ZFPM2: variants seen among roughly 807,000 people sequenced by gnomAD.
ZFPM2 encodes zinc finger protein ZFPM2.
A neutral mutation model predicts 98.6 loss-of-function variants in ZFPM2; 20 were observed. The ratio of observed to expected loss-of-function variants is 0.20; its 90% CI spans 0.14 to 0.29. The LOEUF (loss-of-function observed/expected upper bound fraction) is 0.29. ZFPM2 is among the 10% of genes least tolerant of loss of function. The pLI is 1.00. For missense variants in ZFPM2, 1,310 were observed against 1,388.6 expected, an observed-to-expected ratio of 0.94 and a Z score of 0.90; for synonymous variants, 518 against 502.7, an observed-to-expected ratio of 1.03 and a Z score of -0.41.
intron 4 of ZFPM2, among the ~76,000 whole-genome samples, chr8:105,568,104 G>C (rs1815277822): frequency 6.6e-6 from 1 of 151,884 alleles, no homozygotes; most frequent in Non-Finnish European, 1.5e-5. Context: ...AGTGCCTCAG[G>C]GAGCTTATCC....
At chr8:105,590,854 A>G (rs1344157219) in intron 4 of ZFPM2, among the ~76,000 whole-genome samples, 3 of 152,230 alleles carry the variant, frequency 2.0e-5, no homozygotes, top group African/African-American at 7.2e-5. Context: ...CACATGGTCC[A>G]CTTTAGGAAT....
In ZFPM2 at chr8:105,644,717, CA is replaced by C. The variant is rs775338478; in HGVS notation, c.532+10361del. Among the ~76,000 whole-genome samples, 43 of 152,290 alleles carry C rather than the reference CA, an allele frequency of 2.8e-4. No individual in the cohort carries two copies. In the East Asian group the frequency reaches 5.0e-3, roughly 18 times the overall value. Reference sequence around the variant, plus strand: ...CATGATTAGGATGCTGGCAGTTTCACACTTGGTGAGAGCTCTCTTCTGGGTT... The same window carrying C: ...CATGATTAGGATGCTGGCAGTTTCACCTTGGTGAGAGCTCTCTTCTGGGTT... On this transcript the variant is annotated intron_variant, in intron 5 of 7. Transcript: ENST00000407775.
intron 5 of ZFPM2, among the ~76,000 whole-genome samples, chr8:105,786,407 C>T (rs1026884359): frequency 3.3e-5 from 5 of 152,176 alleles, no homozygotes; most frequent in Admixed American, 6.5e-5. Context: ...GAAGCCATAG[C>T]GCCCAGCCTA....
chr8:105,618,968 C>A (rs1410163571), intron 4 of ZFPM2, among the ~76,000 whole-genome samples: 1 of 151,968 alleles, frequency 6.6e-6, no homozygotes, highest in Non-Finnish European at 1.5e-5. Flanking sequence ...CTTCATTTAG[C>A]AGTCAGAAAT....
At chr8:105,516,759 T>C (rs1813931122) in intron 3 of ZFPM2, among the ~76,000 whole-genome samples, 1 of 152,180 alleles carries the variant, frequency 6.6e-6, no homozygotes, top group Non-Finnish European at 1.5e-5. Flanking sequence ...CATGGGTAGA[T>C]ATAATAGTTA....
chr8:105,441,485 A>G (rs1181553701), intron 2 of ZFPM2, among the ~76,000 whole-genome samples: 17 of 111,532 alleles, frequency 1.5e-4, no homozygotes, highest in Admixed American at 4.0e-4. Context: ...AAAGAAAGAA[A>G]GAAAGAAAGA....
At chr8:105,322,892 C>G (rs141820848) in intron 1 of ZFPM2, among the ~76,000 whole-genome samples, 1 of 151,932 alleles carries the variant, frequency 6.6e-6, no homozygotes, top group Non-Finnish European at 1.5e-5. Flanking sequence ...CAATTTTAGG[C>G]CGTACGAATT....
At chr8:105,357,735 T>A (rs1259251746) in intron 1 of ZFPM2, among the ~76,000 whole-genome samples, 1 of 152,168 alleles carries the variant, frequency 6.6e-6, no homozygotes, top group African/African-American at 2.4e-5. Flanking sequence ...TTAAGGGCTA[T>A]CGTTTTCACT....
At chr8:105,789,163 A>C (rs1813517184) in intron 6 of ZFPM2, 1 of 335,126 alleles carries the variant, frequency 3.0e-6, no homozygotes, top group South Asian at 6.0e-5. Context: ...TATACATGTG[A>C]CATGCTGGTG....
At chr8:105,532,700 G>A (rs1814322329) in intron 3 of ZFPM2, among the ~76,000 whole-genome samples, 1 of 152,166 alleles carries the variant, frequency 6.6e-6, no homozygotes, top group South Asian at 2.1e-4. Flanking sequence ...TTTACATGTA[G>A]TGATTGTTAC....
chr8:105,409,476 A>G (rs553402803), intron 1 of ZFPM2, among the ~76,000 whole-genome samples: 1 of 152,004 alleles, frequency 6.6e-6, no homozygotes, highest in East Asian at 1.9e-4. Context: ...TGAAAGAACA[A>G]TTAACCAGCA....
At chr8:105,771,379 C>G (rs985127813) in intron 5 of ZFPM2, among the ~76,000 whole-genome samples, 1 of 152,120 alleles carries the variant, frequency 6.6e-6, no homozygotes, top group African/African-American at 2.4e-5. Context: ...AAAGAATTCT[C>G]TCTTTATTCT....
chr8:105,617,077 G>T (rs796554626), intron 4 of ZFPM2, among the ~76,000 whole-genome samples: 8 of 114,072 alleles, frequency 7.0e-5, no homozygotes, highest in African/African-American at 2.2e-4. Flanking sequence ...CACCATAAAT[G>T]GGTAGCAAAT....
chr8:105,347,377 G>A (rs966630634), intron 1 of ZFPM2, among the ~76,000 whole-genome samples: 1 of 152,026 alleles, frequency 6.6e-6, no homozygotes, highest in African/African-American at 2.4e-5. Context: ...TTACAAAGTT[G>A]CTTTACTTTT....
chr8:105,710,284 G>A (rs79024643), intron 5 of ZFPM2, among the ~76,000 whole-genome samples: 9,620 of 152,048 alleles, frequency 0.063, 369 homozygotes, highest in African/African-American at 0.11. Context: ...AGGTTCTGTC[G>A]TTTGTATTCA....
intron 4 of ZFPM2, among the ~76,000 whole-genome samples, chr8:105,613,893 C>T (rs763673123): frequency 5.6e-4 from 85 of 152,236 alleles, no homozygotes; most frequent in Non-Finnish European, 1.0e-3. Flanking sequence ...CATGATGTAA[C>T]TGTCTTTCAA....
At position 105,803,580 on chromosome 8, in the gene ZFPM2, T is replaced by A; in HGVS notation, c.*42T>A. 6.4e-7 allele frequency: 1 copy of A among 1,556,210 alleles called. No homozygotes were observed. Among genetic ancestry groups the A allele is most frequent in the South Asian group, 1.2e-5 (1 of 85,240 alleles). On this transcript the variant is annotated 3_prime_UTR_variant, in exon 8 of 8. Coordinates refer to ENST00000407775, the MANE Select transcript of ZFPM2 (RefSeq NM_012082.4). Reference sequence around the variant, plus strand: ...TCACCTTTGGTATCAGTGTTTAGTATGTTGTTCTAACCAGTCCAGAAAAAA... The same window carrying A: ...TCACCTTTGGTATCAGTGTTTAGTAAGTTGTTCTAACCAGTCCAGAAAAAA...
intron 1 of ZFPM2, among the ~76,000 whole-genome samples, chr8:105,391,839 T>A (rs549751728): frequency 6.6e-6 from 1 of 152,340 alleles, no homozygotes; most frequent in South Asian, 2.1e-4. Flanking sequence ...AAGTCATCCA[T>A]AAGAGTTGGA....
At chr8:105,479,315 A>G (rs1161926264) in intron 3 of ZFPM2, among the ~76,000 whole-genome samples, 1 of 152,150 alleles carries the variant, frequency 6.6e-6, no homozygotes, top group African/African-American at 2.4e-5. Flanking sequence ...AGGTATTTCT[A>G]TTGTCTATAA....
Sources: gnomAD v4.1 joint callset for allele counts (sites outside exome capture counted in the v4.1 genomes callset) on GRCh38, gnomAD v4.1.1 for gene constraint, MANE v1.5 for transcripts, NCBI Gene and HGNC (gene_info 2026-07-23, HGNC 2026-07-21) for gene names.